The following PPARD variants were observed in gnomAD, a reference collection of about 807,000 sequenced individuals.
The protein encoded by PPARD is peroxisome proliferator activated receptor delta.
In PPARD, 6 loss-of-function variants were observed where a neutral mutation model predicts 39.5. The observed-to-expected ratio is 0.15, with a 90% CI of 0.08 to 0.30. The LOEUF is 0.30. Among genes scored for constraint, PPARD ranks in the 10% least tolerant of loss-of-function variants. PPARD has a pLI of 1.00. For missense variants in PPARD, 397 were observed against 596.8 expected (o/e 0.67, Z 3.49); for synonymous variants, 210 against 231.3 (o/e 0.91, Z 0.83).
rs748006243 is a variant in PPARD at position 35,421,870 on chromosome 6, G to A, written c.336G>A (p.Glu112=). 3 of 1,614,086 alleles carry A rather than the reference G, an allele frequency of 1.9e-6. No homozygotes were observed. The highest frequency in any genetic ancestry group is 2.2e-5 in the South Asian group (2 of 91,078). Reference sequence around the variant, plus strand: ...TGAAGCTGGAGTACGAGAAGTGTGAGCGCAGCTGCAAGATTCAGAAGAAGA... The same window carrying A: ...TGAAGCTGGAGTACGAGAAGTGTGAACGCAGCTGCAAGATTCAGAAGAAGA... The part of the protein sequence containing the change: ...IRMKLEYEKC[E]RSCKIQKKNR... The change falls in exon 5 of 8, where the codon GAG becomes GAA. Residue 112 remains glutamate, a synonymous_variant. Transcript: ENST00000360694.
intron 4 of PPARD, 95 bp downstream of exon 4, chr6:35,420,376 C>A: frequency 7.0e-7 from 1 of 1,437,378 alleles, no homozygotes; most frequent in Non-Finnish European, 9.2e-7. Context: ...GGGTGGGGCC[C>A]TGACTGTACC....
At chr6:35,395,194 G>A (rs1764246141) in intron 2 of PPARD, among the ~76,000 whole-genome samples, 1 of 152,118 alleles carries the variant, frequency 6.6e-6, no homozygotes, top group African/African-American at 2.4e-5. Flanking sequence ...GATTGACTTA[G>A]GAGAAGAGGT....
At chr6:35,405,098 G>A (rs1387745540) in intron 2 of PPARD, among the ~76,000 whole-genome samples, 1 of 151,986 alleles carries the variant, frequency 6.6e-6, no homozygotes, top group Admixed American at 6.6e-5. Flanking sequence ...TTGCTCTGTT[G>A]CCAGGCTAGA....
chr6:35,380,431 A>G (rs1369923731), intron 2 of PPARD, among the ~76,000 whole-genome samples: 2 of 143,950 alleles, frequency 1.4e-5, no homozygotes, highest in Admixed American at 7.0e-5. Context: ...GGGAAAGTTA[A>G]TTCATACTCA....
intron 2 of PPARD, among the ~76,000 whole-genome samples, chr6:35,362,596 G>T (rs1026568306): frequency 6.6e-6 from 1 of 152,144 alleles, no homozygotes; most frequent in Non-Finnish European, 1.5e-5. Context: ...CAGGGCTGGG[G>T]GTGGGGGTCT....
intron 2 of PPARD, among the ~76,000 whole-genome samples, chr6:35,380,976 T>C (rs1763121903): frequency 6.6e-6 from 1 of 152,180 alleles, no homozygotes; most frequent in Non-Finnish European, 1.5e-5. Context: ...GCTCCATCTC[T>C]CCAGGGTCTC....
intron 2 of PPARD, among the ~76,000 whole-genome samples, chr6:35,392,959 C>T (rs1764102959): frequency 6.6e-6 from 1 of 152,224 alleles, no homozygotes; most frequent in South Asian, 2.1e-4. Flanking sequence ...GGAAATGGTG[C>T]TCCTTGTCAA....
At chr6:35,409,991 A>G (rs544616937) in intron 2 of PPARD, among the ~76,000 whole-genome samples, 88 of 151,514 alleles carry the variant, frequency 5.8e-4, no homozygotes, top group Non-Finnish European at 8.7e-4. Flanking sequence ...GAGAGAGCAG[A>G]AGGAGTCTCT....
rs200957428 is a variant in PPARD, at chr6:35,362,252, C to T, written c.-102+15102C>T. Among the ~76,000 whole-genome samples, 560 of 152,238 alleles carry T rather than the reference C, an allele frequency of 3.7e-3. 1 individual carries two copies. Among genetic ancestry groups the T allele is most frequent in the Admixed American group, 7.3e-3 (112 of 15,286 alleles). ...TGGTGTCTGCTTGTCCTCCGACCTC[C>T]TCTCCCATTTGTGGGAAAGGCATTT... On this transcript the variant is annotated intron_variant, in intron 2 of 7. Transcript: ENST00000360694.
chr6:35,383,322 G>A (rs963861769), intron 2 of PPARD, among the ~76,000 whole-genome samples: 8 of 151,126 alleles, frequency 5.3e-5, no homozygotes, highest in South Asian at 2.1e-4. Flanking sequence ...GGTAACTTGC[G>A]CACTCAGTGC....
chr6:35,343,813 A>T (rs1163238808), intron 1 of PPARD, among the ~76,000 whole-genome samples: 1 of 151,564 alleles, frequency 6.6e-6, no homozygotes, highest in Non-Finnish European at 1.5e-5. Flanking sequence ...GTGTCTTTCC[A>T]CTCTGGATGT....
intron 2 of PPARD, among the ~76,000 whole-genome samples, chr6:35,373,355 A>G (rs1762604577): frequency 6.6e-6 from 1 of 152,204 alleles, no homozygotes; most frequent in South Asian, 2.1e-4. Context: ...AACAATAATT[A>G]TTAGGTATCG....
At chr6:35,367,749 T>G (rs1415277819) in intron 2 of PPARD, among the ~76,000 whole-genome samples, 2 of 152,336 alleles carry the variant, frequency 1.3e-5, no homozygotes, top group East Asian at 3.9e-4. Flanking sequence ...CCTCTAATCC[T>G]TCAAGAGTCT....
At chr6:35,423,055 A>C (rs904273055) in intron 5 of PPARD, among the ~76,000 whole-genome samples, 3 of 6,868 alleles carry the variant, frequency 4.4e-4, no homozygotes, top group African/African-American at 1.3e-3. Flanking sequence ...TCATCTCTAC[A>C]AAAAAAAAAA....
chr6:35,350,117 A>G (rs1316124035), intron 2 of PPARD, among the ~76,000 whole-genome samples: 1 of 152,012 alleles, frequency 6.6e-6, no homozygotes, highest in Non-Finnish European at 1.5e-5. Context: ...TTTTTTTCCT[A>G]TAGAGTTGTT....
intron 3 of PPARD, among the ~76,000 whole-genome samples, chr6:35,418,328 T>C (rs1013153047): frequency 1.8e-5 from 1 of 54,910 alleles, no homozygotes; most frequent in African/African-American, 9.4e-5. Flanking sequence ...TGAGTTTTAT[T>C]GTCCCTGTTA....
At chr6:35,347,322 G>T (rs879446313) in intron 2 of PPARD, among the ~76,000 whole-genome samples, 172 bp downstream of exon 2, 4 of 152,098 alleles carry the variant, frequency 2.6e-5, no homozygotes, top group Admixed American at 6.6e-5. Flanking sequence ...CATTTATTAA[G>T]TAATTATTGA....
At chr6:35,376,388 G>A (rs926533572) in intron 2 of PPARD, among the ~76,000 whole-genome samples, 1 of 151,872 alleles carries the variant, frequency 6.6e-6, no homozygotes. Flanking sequence ...AAGTTTTCTT[G>A]TGTAGTTTCT....
Position 35,424,652 on chromosome 6 carries a change from G to C in PPARD, c.951G>C (p.Leu317=). ...NGSGFVTREF[L]RSLRKPFSDI... Reference sequence around the variant, plus strand: ...GTGGCTTTGTCACCCGTGAGTTCCTGCGCAGCCTCCGCAAACCCTTCAGTG... The same window carrying C: ...GTGGCTTTGTCACCCGTGAGTTCCTCCGCAGCCTCCGCAAACCCTTCAGTG... Residue 317 remains leucine, a synonymous_variant, in exon 7 of 8, where the codon CTG becomes CTC. Coordinates refer to ENST00000360694, the MANE Select transcript of PPARD (RefSeq NM_006238.5). This position sits in a 1 kb window ranked among gnomAD's most constrained non-coding sequence, Gnocchi z 7.1. The C allele has an allele frequency of 6.2e-7, 1 of 1,614,224 alleles. No individual in the cohort carries two copies. The highest frequency in any genetic ancestry group is 8.5e-7 in the Non-Finnish European group (1 of 1,180,042).
Sources: allele counts gnomAD v4.1 joint callset (sites outside exome capture counted in the v4.1 genomes callset), GRCh38; gene constraint gnomAD v4.1.1; non-coding constraint Gnocchi (gnomAD v3.1); transcripts MANE v1.5; gene names NCBI Gene and HGNC (gene_info 2026-07-23, HGNC 2026-07-21).